SMC5: variants seen among roughly 807,000 people sequenced by gnomAD.
SMC5 encodes the protein structural maintenance of chromosomes protein 5.
A neutral mutation model predicts 148.3 loss-of-function variants in SMC5; 88 were observed. The observed-to-expected ratio is 0.59, with a 90% confidence interval of 0.50 to 0.71. SMC5 has a LOEUF of 0.71. SMC5 is among the 30% of genes least tolerant of loss of function. SMC5 has a pLI of 0.00. For synonymous variants in SMC5, 421 were observed against 432.8 expected, an observed-to-expected ratio of 0.97 and a Z score of 0.34; for missense variants, 1,142 against 1,298.9, an observed-to-expected ratio of 0.88 and a Z score of 1.86.
chr9:70,282,172 G>T (rs2034769120), intron 6 of SMC5, among the ~76,000 whole-genome samples: 1 of 152,076 alleles, frequency 6.6e-6, no homozygotes, highest in African/African-American at 2.4e-5. Flanking sequence ...TCAGATAACA[G>T]GATGGAAGTC....
At position 70,352,595 on chromosome 9, in the gene SMC5, G is replaced by A. The variant is rs1374060284; in HGVS notation, c.*264G>A. On this transcript the variant is annotated 3_prime_UTR_variant, in exon 25 of 25. Transcript: ENST00000361138. Reference sequence around the variant, plus strand: ...AGTCATTCAGTTCTCATGTTAAAATGTACTTAATATTACAAATCAAAGGTA... The same window carrying A: ...AGTCATTCAGTTCTCATGTTAAAATATACTTAATATTACAAATCAAAGGTA... 3.0e-6 allele frequency: 1 copy of A among 331,134 alleles called. No individual in the cohort carries two copies. Among genetic ancestry groups the A allele is most frequent in the East Asian group, 5.0e-5 (1 of 19,894 alleles). 20.5% of individuals were successfully genotyped at this position (331,134 alleles called of 1,614,324 possible).
intron 3 of SMC5, among the ~76,000 whole-genome samples, chr9:70,274,532 CT>C (rs571500932): frequency 2.5e-4 from 36 of 146,586 alleles, no homozygotes; most frequent in Admixed American, 5.4e-4. Context: ...TTTTTAATAT[CT>C]TTTGTTATCT....
intron 17 of SMC5, among the ~76,000 whole-genome samples, chr9:70,334,621 G>C (rs1465871121): frequency 6.6e-6 from 1 of 152,134 alleles, no homozygotes; most frequent in African/African-American, 2.4e-5. Context: ...AAGAGAGAGA[G>C]AGAGTGTGTG....
chr9:70,331,301 G>C (rs988102939), intron 17 of SMC5, among the ~76,000 whole-genome samples: 6 of 152,134 alleles, frequency 3.9e-5, no homozygotes, highest in Non-Finnish European at 8.8e-5. Flanking sequence ...AGGAAAAGTG[G>C]AAGGGGAAAC....
rs145670687 is a variant in SMC5, at chr9:70,270,725, C to G, written c.380+2750C>G. On this transcript the variant is annotated intron_variant, in intron 3 of 24. Transcript: ENST00000361138. ...GCAGTGGTGCAATCTCGGCTCACTG[C>G]AACCTCTGTCTCCCGAGCTCAAGTG... Among the ~76,000 whole-genome samples, 760 of 145,394 alleles carry G rather than the reference C, an allele frequency of 5.2e-3. 5 individuals carry two copies. The highest frequency in any genetic ancestry group is 9.3e-3 in the Non-Finnish European group (627 of 67,360).
At chr9:70,314,235 C>T (rs1021324816) in intron 11 of SMC5, among the ~76,000 whole-genome samples, 1 of 152,164 alleles carries the variant, frequency 6.6e-6, no homozygotes, top group Non-Finnish European at 1.5e-5. Flanking sequence ...AGAATTCTTT[C>T]CCCACTCCTG....
At chr9:70,265,182 A>G (rs181351474) in intron 2 of SMC5, among the ~76,000 whole-genome samples, 92 of 152,318 alleles carry the variant, frequency 6.0e-4, no homozygotes, top group Non-Finnish European at 4.4e-4. Context: ...ATCATTAAAA[A>G]TGACAAAATA....
At chr9:70,303,901 C>T (rs1399133753) in intron 10 of SMC5, among the ~76,000 whole-genome samples, 1 of 151,962 alleles carries the variant, frequency 6.6e-6, no homozygotes, top group Non-Finnish European at 1.5e-5. Flanking sequence ...TCTAAAATTC[C>T]CTAGATAGTA....
intron 17 of SMC5, among the ~76,000 whole-genome samples, chr9:70,342,569 A>G (rs1280843671): frequency 6.6e-6 from 1 of 152,156 alleles, no homozygotes; most frequent in Non-Finnish European, 1.5e-5. Flanking sequence ...TTTATTTCTC[A>G]GAAATCTGCT....
intron 15 of SMC5, among the ~76,000 whole-genome samples, chr9:70,321,879 A>G (rs1242424274): frequency 6.6e-6 from 1 of 151,714 alleles, no homozygotes; most frequent in African/African-American, 2.4e-5. Context: ...TCCATATCCT[A>G]CCATAACACA....
intron 8 of SMC5, among the ~76,000 whole-genome samples, chr9:70,289,570 A>G (rs1230719605): frequency 6.6e-6 from 1 of 152,190 alleles, no homozygotes; most frequent in Middle Eastern, 3.2e-3. Flanking sequence ...AAGTTTAAAC[A>G]GTTCACATTT....
intron 8 of SMC5, among the ~76,000 whole-genome samples, chr9:70,287,614 CCTTTTT>C (rs2034944641): frequency 1.3e-5 from 2 of 152,136 alleles, no homozygotes; most frequent in African/African-American, 4.8e-5. Flanking sequence ...CAGCCTCACC[CCTTTTT>C]CTATCCCTTT....
intron 7 of SMC5, among the ~76,000 whole-genome samples, chr9:70,285,680 TCTA>T (rs563499097): frequency 3.3e-5 from 5 of 152,358 alleles, no homozygotes; most frequent in African/African-American, 1.2e-4. Flanking sequence ...AGCCCTGTTT[TCTA>T]CTATGTTTGA....
At chr9:70,298,734 C>CAA (rs879429083) in intron 9 of SMC5, among the ~76,000 whole-genome samples, 1 of 133,892 alleles carries the variant, frequency 7.5e-6, no homozygotes, top group Non-Finnish European at 1.6e-5. Flanking sequence ...GTATGGCTAA[C>CAA]AAAAAAAAAA....
rs759659073 is a variant in SMC5 at position 70,354,216 on chromosome 9, TTTTG to T, written c.*1905_*1908del. The T allele has an allele frequency of 1.3e-4, 20 of 152,638 alleles. No individual in the cohort carries two copies. The highest frequency in any genetic ancestry group is 6.2e-4 in the South Asian group (3 of 4,828). 9.5% of individuals were successfully genotyped at this position (152,638 alleles called of 1,614,324 possible). The stretch of plus-strand genomic sequence containing the variant: ...TCTCAGCCACTTAAAACAAAAGTTT[TTTTG>T]TTTGTTTGTTTGTTTGTTTTTTTGA... On this transcript the variant is annotated 3_prime_UTR_variant, in exon 25 of 25. Coordinates refer to ENST00000361138, the MANE Select transcript of SMC5 (RefSeq NM_015110.4).
chr9:70,284,405 C>T (rs1448970140), intron 7 of SMC5, among the ~76,000 whole-genome samples: 1 of 152,122 alleles, frequency 6.6e-6, no homozygotes, highest in Non-Finnish European at 1.5e-5. Flanking sequence ...AGTGATAACA[C>T]GACTTCCTCA....
chr9:70,325,671 G>A (rs1319351872), intron 17 of SMC5, among the ~76,000 whole-genome samples: 6 of 152,064 alleles, frequency 3.9e-5, no homozygotes, highest in Admixed American at 2.0e-4. Context: ...TTATAAGTCT[G>A]ACAATGTAAC....
rs552945210 is a variant in SMC5, at chr9:70,338,510, C to T, written c.2398-5634C>T. ...CCTCACTTTTTATGAATTTTGCACTCGTTTAACTGCCAGAAAAAAAAAATT... is the reference window on the plus strand; with the variant it reads ...CCTCACTTTTTATGAATTTTGCACTTGTTTAACTGCCAGAAAAAAAAAATT... On this transcript the variant is annotated intron_variant, in intron 17 of 24. Coordinates refer to ENST00000361138, the MANE Select transcript of SMC5 (RefSeq NM_015110.4). Among the ~76,000 whole-genome samples, 4 of 152,154 alleles carry T rather than the reference C, an allele frequency of 2.6e-5. No individual in the cohort carries two copies. In the South Asian group the frequency reaches 8.3e-4, roughly 32 times the overall value.
chr9:70,341,228 A>G (rs1326230785), intron 17 of SMC5, among the ~76,000 whole-genome samples: 1 of 152,340 alleles, frequency 6.6e-6, no homozygotes. Context: ...TTCTCAGATA[A>G]ATATTTTATT....
Sources: allele counts gnomAD v4.1 joint callset (sites outside exome capture counted in the v4.1 genomes callset), GRCh38; gene constraint gnomAD v4.1.1; transcripts MANE v1.5; gene names NCBI Gene and HGNC (gene_info 2026-07-23, HGNC 2026-07-21).